The following TXNRD2 variants were observed in gnomAD, a reference collection of about 807,000 sequenced individuals.
TXNRD2 encodes the protein thioredoxin reductase 2, mitochondrial.
TXNRD2 carries 67 observed loss-of-function variants against 70.8 expected under a neutral mutation model. The observed-to-expected ratio is 0.95, with a 90% CI of 0.78 to 1.16. TXNRD2 has a LOEUF of 1.16. TXNRD2 is among the 50% of genes most tolerant of loss of function. The pLI, the probability that TXNRD2 is intolerant of heterozygous loss-of-function variation, is 0.00. For missense variants in TXNRD2, 644 were observed against 719.9 expected, an observed-to-expected ratio of 0.89 and a Z score of 1.21; for synonymous variants, 301 against 295.8, an observed-to-expected ratio of 1.02 and a Z score of -0.18.
At chr22:19,914,048 C>T (rs1940526162) in intron 7 of TXNRD2, among the ~76,000 whole-genome samples, 1 of 152,160 alleles carries the variant, frequency 6.6e-6, no homozygotes, top group Non-Finnish European at 1.5e-5. Flanking sequence ...CCAAAGTTAT[C>T]GCATTAAATT....
chr22:19,877,267 T>A, intron 16 of TXNRD2, 33 bp from the exon 17 acceptor site: 1 of 1,592,686 alleles, frequency 6.3e-7, no homozygotes, highest in Non-Finnish European at 8.6e-7. Context: ...GCAGGCGGGG[T>A]CAGCACAGGG....
chr22:19,878,135 C>T lies in TXNRD2; in HGVS notation c.1400G>A (p.Gly467Asp). The T allele has an allele frequency of 6.2e-7, 1 of 1,613,466 alleles. No individual in the cohort carries two copies. The highest frequency in any genetic ancestry group is 8.5e-7 in the Non-Finnish European group (1 of 1,180,014). ...TTGAGTAACTTCGCCTGCGTTGGGG[C>T]CAAGGAAATGCAGGCCCAGCACCAG... is the stretch of plus-strand genomic sequence containing the variant. ...PQLVLGLHFL[G>D]PNAGEVTQGF... The change falls in exon 16 of 18, where the codon GGC (glycine) becomes GAC (aspartate). Residue 467 changes from glycine (G) to aspartate (D), a missense_variant. Gly to Asp is a moderately conservative substitution (Grantham distance 94). This residue lies in a region of TXNRD2 where 566 missense variants were observed against 645.0 expected (regional missense o/e 0.88). Coordinates refer to ENST00000400521, the MANE Select transcript of TXNRD2 (RefSeq NM_006440.5).
chr22:19,938,074 G>C (rs1278783593), intron 1 of TXNRD2: 1 of 152,228 alleles, frequency 6.6e-6, no homozygotes, highest in African/African-American at 2.4e-5. Context: ...GATCTCTGTA[G>C]TACCATTCCT....
intron 6 of TXNRD2, 57 bp downstream of exon 6, chr22:19,915,708 T>C: frequency 1.3e-6 from 2 of 1,519,796 alleles, no homozygotes; most frequent in Non-Finnish European, 9.1e-7. Flanking sequence ...CTGCAGTTGG[T>C]GCCCAAGGTC....
At chr22:19,919,670 G>A in intron 2 of TXNRD2, 71 bp from the exon 3 acceptor site, 1 of 1,339,380 alleles carries the variant, frequency 7.5e-7, no homozygotes, top group Non-Finnish European at 1.0e-6. Flanking sequence ...GCACTCCTCA[G>A]GGCTTGTGAG....
At chr22:19,898,198 C>T in intron 9 of TXNRD2, 68 bp from the exon 10 acceptor site, 1 of 1,418,822 alleles carries the variant, frequency 7.0e-7, no homozygotes, top group South Asian at 1.2e-5. Flanking sequence ...CACCCCAGGG[C>T]CCTGTGCCAC....
intron 2 of TXNRD2, among the ~76,000 whole-genome samples, chr22:19,929,529 C>A (rs1941280197): frequency 6.6e-6 from 1 of 151,990 alleles, no homozygotes; most frequent in African/African-American, 2.4e-5. Flanking sequence ...AGAGGGCATC[C>A]ACCTGATCCA....
chr22:19,895,936 G>A (rs921256960), intron 10 of TXNRD2, among the ~76,000 whole-genome samples: 23 of 152,228 alleles, frequency 1.5e-4, no homozygotes, highest in Admixed American at 4.6e-4. Context: ...GTTTGAGGCT[G>A]CAATGAACTG....
intron 11 of TXNRD2, 138 bp downstream of exon 11, chr22:19,895,269 G>A: frequency 2.5e-6 from 4 of 1,593,994 alleles, no homozygotes; most frequent in East Asian, 4.5e-5. Context: ...TTGCTCTCGA[G>A]GTGCACTGGG....
In TXNRD2 at chr22:19,880,190, C is replaced by T. The variant is rs758539088; in HGVS notation, c.1264G>A (p.Glu422Lys). The change falls in exon 14 of 18, where the codon GAG (glutamate) becomes AAG (lysine). Residue 422 changes from glutamate to lysine, a missense_variant. Glu to Lys is a moderately conservative substitution (Grantham distance 56, BLOSUM62 1). This residue lies in a region of TXNRD2 where 566 missense variants were observed against 645.0 expected (regional missense o/e 0.88). Transcript: ENST00000400521. ...EEEAVARHGQ[E>K]HVEVYHAHYK... Reference sequence around the variant, plus strand: ...CTCCCAGGCCTCACCTCAACATGCTCCTGCCCGTGGCGAGCCACTGCCTCC... The same window carrying T: ...CTCCCAGGCCTCACCTCAACATGCTTCTGCCCGTGGCGAGCCACTGCCTCC... 6.2e-7 allele frequency: 1 copy of T among 1,613,256 alleles called. No homozygotes were observed. The highest frequency in any genetic ancestry group is 8.5e-7 in the Non-Finnish European group (1 of 1,179,982).
At chr22:19,902,035 C>T (rs991818771) in intron 8 of TXNRD2, among the ~76,000 whole-genome samples, 6 of 152,112 alleles carry the variant, frequency 3.9e-5, no homozygotes, top group African/African-American at 1.2e-4. Flanking sequence ...CCCATCTCTA[C>T]AAACTAAAAA....
At chr22:19,903,913 G>T (rs530010904) in intron 8 of TXNRD2, among the ~76,000 whole-genome samples, 3 of 152,312 alleles carry the variant, frequency 2.0e-5, no homozygotes, top group African/African-American at 7.2e-5. Context: ...TCCCAGAGGG[G>T]CTCCACTGCC....
Position 19,876,957 on chromosome 22 carries a change from C to T in TXNRD2, c.*65+83G>A, listed in dbSNP as rs770264494. 786 of 1,008,590 alleles carry T rather than the reference C, an allele frequency of 7.8e-4. 1 individual carries two copies. Among genetic ancestry groups the T allele is most frequent in the Non-Finnish European group, 9.7e-4 (703 of 728,382 alleles). 62.5% of individuals were successfully genotyped at this position (1,008,590 alleles called of 1,614,324 possible). ...GCGTGGCAGGTGTAGCCTTGCTGTA[C>T]ACCTGGAGGGAGCCCATGGCCAGGG... On this transcript the variant is annotated intron_variant, in intron 17 of 17. Coordinates refer to ENST00000400521, the MANE Select transcript of TXNRD2 (RefSeq NM_006440.5).
chr22:19,913,571 A>G (rs966487114), intron 7 of TXNRD2, among the ~76,000 whole-genome samples: 3 of 152,222 alleles, frequency 2.0e-5, no homozygotes, highest in Non-Finnish European at 2.9e-5. Flanking sequence ...GATAGGTAAC[A>G]GTTAGAGCCA....
intron 2 of TXNRD2, among the ~76,000 whole-genome samples, chr22:19,920,895 G>T (rs1326673851): frequency 6.6e-6 from 1 of 152,194 alleles, no homozygotes; most frequent in Non-Finnish European, 1.5e-5. Context: ...GAGGGCAGGA[G>T]ATCGAGAACA....
rs764434437 is a variant in TXNRD2 at position 19,915,266 on chromosome 22, G to A, written c.539C>T (p.Ser180Leu). 6.2e-7 allele frequency: 1 copy of A among 1,613,796 alleles called. No individual in the cohort carries two copies. The highest frequency in any genetic ancestry group is 8.5e-7 in the Non-Finnish European group (1 of 1,179,908). Residue 180 changes from serine to leucine, a missense_variant, in exon 7 of 18, where the codon TCA becomes TTA. Physicochemically the swap from Ser to Leu is moderately radical, Grantham distance 145 (BLOSUM62 -2). Around this residue, in one of 3 missense-constraint regions of TXNRD2, gnomAD observed 566 missense variants for 645.0 expected, o/e 0.88. Transcript: ENST00000400521. ...AGTAGCAATGATGATGTGATCGGCTGACAGCAGAATCTGAGGAGAAAAAGA... is the reference window on the plus strand; with the variant it reads ...AGTAGCAATGATGATGTGATCGGCTAACAGCAGAATCTGAGGAGAAAAAGA... ...VAKGGKEILLSADHIIIATGG... is the reference protein window; with the variant it reads ...VAKGGKEILLLADHIIIATGG...
At chr22:19,920,023 G>A (rs115193076) in intron 2 of TXNRD2, among the ~76,000 whole-genome samples, 2,122 of 152,216 alleles carry the variant, frequency 0.014, 50 homozygotes, top group African/African-American at 0.049. Context: ...CACTCACCGG[G>A]AATGGCTCCT....
At chr22:19,934,395 A>C (rs993025395) in intron 1 of TXNRD2, among the ~76,000 whole-genome samples, 7 of 151,218 alleles carry the variant, frequency 4.6e-5, no homozygotes, top group South Asian at 4.2e-4. Flanking sequence ...AAAAAAAAAA[A>C]AAAAAACTGC....
chr22:19,882,292 G>A (rs911776702), intron 12 of TXNRD2, among the ~76,000 whole-genome samples: 6 of 152,144 alleles, frequency 3.9e-5, no homozygotes, highest in Non-Finnish European at 5.9e-5. Flanking sequence ...TCCTCCTCCC[G>A]AGTTCAAATG....
Sources: gnomAD v4.1 joint callset for allele counts (sites outside exome capture counted in the v4.1 genomes callset) on GRCh38, gnomAD v4.1.1 for gene constraint, gnomAD v4.1.1 regional missense constraint, MANE v1.5 for transcripts, NCBI Gene and HGNC (gene_info 2026-07-23, HGNC 2026-07-21) for gene names.